LIN7A: variants seen among roughly 807,000 people sequenced by gnomAD.
The protein encoded by LIN7A is protein lin-7 homolog A.
A neutral mutation model predicts 29.8 loss-of-function variants in LIN7A; 25 were observed. That is an observed-to-expected ratio of 0.84 (90% CI 0.61 to 1.17). The LOEUF (loss-of-function observed/expected upper bound fraction) is 1.17, where lower values mean the gene tolerates loss of function less well. Among genes scored for constraint, LIN7A ranks in the 50% most tolerant of loss-of-function variants. The pLI, the probability that LIN7A is intolerant of heterozygous loss-of-function variation, is 0.00. For missense variants in LIN7A, 239 were observed against 287.0 expected (o/e 0.83, Z 1.21); for synonymous variants, 118 against 107.5 (o/e 1.10, Z -0.60).
chr12:80,886,445 A>G (rs1445671672), intron 2 of LIN7A, among the ~76,000 whole-genome samples: 1 of 151,892 alleles, frequency 6.6e-6, no homozygotes, highest in Non-Finnish European at 1.5e-5. Context: ...TATTGCTACT[A>G]TTATTATTTC....
At chr12:80,906,968 T>C (rs902851405) in intron 1 of LIN7A, among the ~76,000 whole-genome samples, 11 of 151,856 alleles carry the variant, frequency 7.2e-5, no homozygotes, top group African/African-American at 2.7e-4. Flanking sequence ...CATTTGCAAA[T>C]TGTGTCTTTT....
chr12:80,864,053 T>C (rs554246268), intron 2 of LIN7A, among the ~76,000 whole-genome samples: 21 of 152,290 alleles, frequency 1.4e-4, no homozygotes, highest in African/African-American at 4.3e-4. Flanking sequence ...AAAAGATTTG[T>C]TAAAACATGA....
intron 4 of LIN7A, among the ~76,000 whole-genome samples, chr12:80,816,677 C>G (rs1250092447): frequency 6.6e-6 from 1 of 152,118 alleles, no homozygotes; most frequent in African/African-American, 2.4e-5. Flanking sequence ...CATCAGCAAC[C>G]TCATACAGCA....
At chr12:80,920,206 C>G (rs1260832457) in intron 1 of LIN7A, among the ~76,000 whole-genome samples, 6 of 152,092 alleles carry the variant, frequency 3.9e-5, no homozygotes, top group Admixed American at 3.9e-4. Flanking sequence ...TGGCGGTGCT[C>G]CAATAAACTT....
At chr12:80,871,672 A>G (rs1249526443) in intron 2 of LIN7A, among the ~76,000 whole-genome samples, 1 of 151,978 alleles carries the variant, frequency 6.6e-6, no homozygotes, top group Non-Finnish European at 1.5e-5. Flanking sequence ...CAAAACAGCC[A>G]GATAGAGACT....
chr12:80,868,403 T>A (rs1874249429), intron 2 of LIN7A, among the ~76,000 whole-genome samples: 2 of 152,158 alleles, frequency 1.3e-5, no homozygotes, highest in Admixed American at 1.3e-4. Flanking sequence ...ACCCCATCTC[T>A]ACTAAAAATA....
rs560971976 is a variant in LIN7A at position 80,795,018 on chromosome 12, G to A, written c.*2709C>T. 4.6e-5 allele frequency: 7 copies of A among 152,186 alleles called. No individual in the cohort carries two copies. The East Asian group carries it at 5.8e-4, about 13-fold the overall frequency. 9.4% of individuals were successfully genotyped at this position (152,186 alleles called of 1,614,324 possible). ...TTTCACCAGGATTTCTGGTGATATCGTAGAAGTTTTTTAAATTATAACGTT... is the reference window on the plus strand; with the variant it reads ...TTTCACCAGGATTTCTGGTGATATCATAGAAGTTTTTTAAATTATAACGTT... On this transcript the variant is annotated 3_prime_UTR_variant, in exon 6 of 6. Coordinates refer to ENST00000552864, the MANE Select transcript of LIN7A (RefSeq NM_004664.4).
chr12:80,852,272 A>G (rs1172670172), intron 2 of LIN7A, among the ~76,000 whole-genome samples: 1 of 152,164 alleles, frequency 6.6e-6, no homozygotes, highest in Non-Finnish European at 1.5e-5. Flanking sequence ...TAATTTATTT[A>G]CCAAGTTTAC....
At chr12:80,819,085 A>T (rs1238219883) in intron 4 of LIN7A, among the ~76,000 whole-genome samples, 2 of 152,308 alleles carry the variant, frequency 1.3e-5, no homozygotes, top group Admixed American at 1.3e-4. Flanking sequence ...AGTACAGCAC[A>T]ATGGGATATT....
intron 4 of LIN7A, among the ~76,000 whole-genome samples, chr12:80,823,401 C>T (rs140539277): frequency 6.6e-6 from 1 of 152,334 alleles, no homozygotes; most frequent in East Asian, 1.9e-4. Flanking sequence ...GTCCCTGGTG[C>T]CAGGCATGGA....
At chr12:80,845,962 G>A in intron 3 of LIN7A, 23 bp from the exon 4 acceptor site, 1 of 1,526,274 alleles carries the variant, frequency 6.6e-7, no homozygotes, top group Non-Finnish European at 8.9e-7. Flanking sequence ...AAAAAAGATG[G>A]TCTTTTGGTA....
intron 4 of LIN7A, chr12:80,841,945 T>A: frequency 9.1e-7 from 1 of 1,098,446 alleles, no homozygotes; most frequent in Non-Finnish European, 1.1e-6. Context: ...TGAGGATTGA[T>A]ATAAGAAGTA....
At chr12:80,882,496 G>A (rs1366736692) in intron 2 of LIN7A, among the ~76,000 whole-genome samples, 1 of 150,342 alleles carries the variant, frequency 6.7e-6, no homozygotes, top group African/African-American at 2.4e-5. Context: ...GTTTTAGCCG[G>A]GATGGTCTCG....
chr12:80,864,123 C>CG (rs1874017593), intron 2 of LIN7A, among the ~76,000 whole-genome samples: 1 of 151,986 alleles, frequency 6.6e-6, no homozygotes, highest in Non-Finnish European at 1.5e-5. Flanking sequence ...CAAAGTTACA[C>CG]TCATAAGTTT....
rs1871057412 is a variant in LIN7A, at chr12:80,807,079, T to TTTTTTG, written c.*4385_*4386insCAAAAA. Among the ~76,000 whole-genome samples the TTTTTTG allele has an allele frequency of 3.8e-5, 5 of 131,958 alleles. No homozygotes were observed. The South Asian group carries it at 7.3e-4, about 19-fold the overall frequency. 86.6% of individuals were successfully genotyped at this position (131,958 alleles called of 152,430 possible). A position where few individuals can be genotyped will look rare whatever the true frequency, so the allele number is the denominator to read the frequency against. ...GAAGATGGAGTTTTTTTTTTTTTTT[T>TTTTTTG]TTTTTTTTTTTTGACGGAGTCTCGC... On this transcript the variant is annotated intron_variant, in intron 5 of 5. Coordinates refer to ENST00000552864, the MANE Select transcript of LIN7A (RefSeq NM_004664.4).
intron 1 of LIN7A, among the ~76,000 whole-genome samples, chr12:80,914,938 G>A (rs116694530): frequency 0.012 from 1,803 of 152,004 alleles, 33 homozygotes; most frequent in African/African-American, 0.034. Context: ...GTCCTAGCTA[G>A]TCAGGAGGCT....
intron 1 of LIN7A, among the ~76,000 whole-genome samples, chr12:80,904,568 A>T (rs1876380154): frequency 6.6e-6 from 1 of 152,182 alleles, no homozygotes; most frequent in Admixed American, 6.5e-5. Context: ...TTCCCTTAAC[A>T]TCATGTCTTT....
intron 1 of LIN7A, 59 bp downstream of exon 1, chr12:80,937,582 C>T (rs1441075055): frequency 8.1e-7 from 1 of 1,241,074 alleles, no homozygotes; most frequent in South Asian, 1.8e-5. Context: ...AATTGGCAGG[C>T]GGGGAAGGGA....
intron 5 of LIN7A, among the ~76,000 whole-genome samples, chr12:80,797,957 A>G (rs778986378): frequency 3.9e-5 from 6 of 152,250 alleles, no homozygotes; most frequent in Non-Finnish European, 7.3e-5. Flanking sequence ...AATGAAATAA[A>G]GAACACCAGT....
Sources: gnomAD v4.1 joint callset for allele counts (sites outside exome capture counted in the v4.1 genomes callset) on GRCh38, gnomAD v4.1.1 for gene constraint, MANE v1.5 for transcripts, NCBI Gene and HGNC (gene_info 2026-07-23, HGNC 2026-07-21) for gene names.